The following PCDHGA5 variants were observed in gnomAD, a reference collection of about 807,000 sequenced individuals.
PCDHGA5 encodes the protein protocadherin gamma subfamily A, 5.
A neutral mutation model predicts 56.7 loss-of-function variants in PCDHGA5; 36 were observed. That is an observed-to-expected ratio of 0.64 (90% confidence interval 0.49 to 0.84). The LOEUF (loss-of-function observed/expected upper bound fraction) is 0.84. Among genes scored for constraint, PCDHGA5 ranks in the 40% least tolerant of loss-of-function variants. PCDHGA5 has a pLI of 0.00. For synonymous variants in PCDHGA5, 563 were observed against 520.2 expected, an observed-to-expected ratio of 1.08 and a Z score of -1.12; for missense variants, 1,305 against 1,201.5, an observed-to-expected ratio of 1.09 and a Z score of -1.27.
At chr5:141,417,690 A>T in intron 1 of PCDHGA5, 1 of 1,077,126 alleles carries the variant, frequency 9.3e-7, no homozygotes, top group East Asian at 2.6e-5. Context: ...AGAAAAGAAA[A>T]CCAGCTCCCA....
At position 141,486,783 on chromosome 5, in the gene PCDHGA5, C is replaced by A. The variant is rs905423670; in HGVS notation, c.2422-8024C>A. ...CAGACACTGCAGTTTGAGGTGCAGG[C>A]CCGGGATCGGGGCAACCCACCCCTT... On this transcript the variant is annotated intron_variant, in intron 1 of 3. Transcript: ENST00000518069. The surrounding 1 kb of genome is among the most constrained non-coding windows in gnomAD (Gnocchi z 5.0). 6.2e-7 allele frequency: 1 copy of A among 1,614,102 alleles called. No homozygotes were observed.
intron 1 of PCDHGA5, chr5:141,384,020 G>C: frequency 6.2e-7 from 1 of 1,613,730 alleles, no homozygotes; most frequent in Non-Finnish European, 8.5e-7. Context: ...CTACAAGACA[G>C]AGATTCTGGA....
intron 1 of PCDHGA5, among the ~76,000 whole-genome samples, chr5:141,380,802 T>C (rs1776746309): frequency 6.6e-6 from 1 of 152,118 alleles, no homozygotes; most frequent in African/African-American, 2.4e-5. Context: ...AAGAAACAAA[T>C]GTGAGATGAA....
chr5:141,428,310 G>A (rs2097132610), intron 1 of PCDHGA5: 1 of 671,630 alleles, frequency 1.5e-6, no homozygotes, highest in Admixed American at 2.2e-5. Context: ...ACCTGGTCGT[G>A]GCCTTGGCCT....
chr5:141,383,943 T>C (rs1229813206), intron 1 of PCDHGA5: 1 of 1,613,674 alleles, frequency 6.2e-7, no homozygotes, highest in Admixed American at 1.7e-5. Flanking sequence ...CAGAAGTGAC[T>C]ATGACGTCTT....
At chr5:141,399,684 G>T in intron 1 of PCDHGA5, 1 of 1,613,538 alleles carries the variant, frequency 6.2e-7, no homozygotes, top group Non-Finnish European at 8.5e-7. Context: ...TTGACTACGA[G>T]CAGCTGCGCA....
rs376621545 is a variant in PCDHGA5, at chr5:141,422,143, G to A, written c.2421+55392G>A. The stretch of plus-strand genomic sequence containing the variant: ...ACAAACTGGAGAAGTTCAAGTACGG[G>A]GGTCTCTGGATTTTGAAAAATATAG... On this transcript the variant is annotated intron_variant, in intron 1 of 3. Transcript: ENST00000518069. 36 of 1,583,638 alleles carry A rather than the reference G, an allele frequency of 2.3e-5. No individual in the cohort carries two copies. The African/African-American group carries it at 3.8e-4, about 17-fold the overall frequency.
chr5:141,405,398 C>A, intron 1 of PCDHGA5: 1 of 1,590,262 alleles, frequency 6.3e-7, no homozygotes, highest in Non-Finnish European at 8.6e-7. Flanking sequence ...TTTTTTCTTT[C>A]TTTCTTTTCT....
At chr5:141,392,791 G>C in intron 1 of PCDHGA5, 6 of 1,557,838 alleles carry the variant, frequency 3.9e-6, no homozygotes, top group Admixed American at 2.0e-5. Context: ...AAGATTCTGA[G>C]AGGATTCTGC....
Position 141,436,047 on chromosome 5 carries a change from T to G in PCDHGA5, c.2422-58760T>G, listed in dbSNP as rs141900903. On this transcript the variant is annotated intron_variant, in intron 1 of 3. Transcript: ENST00000518069. ...ATACTAAATTTGTATTTACATTAGT[T>G]TTCAAATAGAATTTAATAAGTACAG... is the stretch of plus-strand genomic sequence containing the variant. Among the ~76,000 whole-genome samples the G allele has an allele frequency of 1.0e-2, 1,517 of 152,280 alleles. 31 individuals carry two copies. The highest frequency in any genetic ancestry group is 0.034 in the African/African-American group (1,420 of 41,552).
chr5:141,421,750 C>A lies in PCDHGA5; in HGVS notation c.2421+54999C>A, dbSNP rs766529731. On this transcript the variant is annotated intron_variant, in intron 1 of 3. Coordinates refer to ENST00000518069, the MANE Select transcript of PCDHGA5 (RefSeq NM_018918.3). ...CTCCCTCCAGAGCTACCAGCTCAGC[C>A]CTAATAATTACTTTTCCTTGCAACT... 4.3e-6 allele frequency: 7 copies of A among 1,613,788 alleles called. No individual in the cohort carries two copies. Among genetic ancestry groups the A allele is most frequent in the Non-Finnish European group, 5.9e-6 (7 of 1,179,864 alleles).
In PCDHGA5 at chr5:141,432,011, TACA is replaced by T. The variant is rs1296391274; in HGVS notation, c.2422-62792_2422-62790del. 2 of 1,614,202 alleles carry T rather than the reference TACA, an allele frequency of 1.2e-6. No homozygotes were observed. Among genetic ancestry groups the T allele is most frequent in the South Asian group, 2.2e-5 (2 of 91,084 alleles). On this transcript the variant is annotated intron_variant, in intron 1 of 3. Transcript: ENST00000518069. This position sits in a 1 kb window ranked among gnomAD's most constrained non-coding sequence, Gnocchi z 6.0. The stretch of plus-strand genomic sequence containing the variant: ...CTTGGATAGGGAACAGGTTCCTAGC[TACA>T]ACATCACAGTGACCGCCACTGACCG...
chr5:141,384,053 C>T (rs1329974843), intron 1 of PCDHGA5: 1 of 1,610,750 alleles, frequency 6.2e-7, no homozygotes, highest in Non-Finnish European at 8.5e-7. Context: ...GTGACCTGCA[C>T]CATTCCAGAA....
intron 1 of PCDHGA5, among the ~76,000 whole-genome samples, chr5:141,454,379 T>A (rs770736083): frequency 1.2e-3 from 179 of 152,316 alleles, no homozygotes; most frequent in Non-Finnish European, 2.1e-3. Flanking sequence ...TGGCAACTTG[T>A]CAAGATGAAG....
At chr5:141,405,257 A>T (rs747554046) in intron 1 of PCDHGA5, 2 of 1,613,954 alleles carry the variant, frequency 1.2e-6, no homozygotes, top group Non-Finnish European at 1.7e-6. Flanking sequence ...GAGTCACCTG[A>T]TCTTCCCCCA....
chr5:141,419,220 A>G (rs2096345873), intron 1 of PCDHGA5: 1 of 1,613,966 alleles, frequency 6.2e-7, no homozygotes, highest in Non-Finnish European at 8.5e-7. Context: ...GTTTTCGGAC[A>G]GTCAGCCTAC....
At chr5:141,371,511 G>T (rs747916078) in intron 1 of PCDHGA5, 7 of 1,613,850 alleles carry the variant, frequency 4.3e-6, no homozygotes, top group East Asian at 2.2e-5. Context: ...CAAAACACAT[G>T]ATCTAGATTC....
chr5:141,373,897 C>T, intron 1 of PCDHGA5: 1 of 537,056 alleles, frequency 1.9e-6, no homozygotes, highest in Non-Finnish European at 3.1e-6. Flanking sequence ...ACTCAAGTTA[C>T]ATCCTCCAAC....
Position 141,431,303 on chromosome 5 carries a change from G to A in PCDHGA5, c.2422-63504G>A, listed in dbSNP as rs777784010. 2 of 1,613,942 alleles carry A rather than the reference G, an allele frequency of 1.2e-6. No homozygotes were observed. The highest frequency in any genetic ancestry group is 2.7e-5 in the African/African-American group (2 of 74,916). ...CCCGAACACTCACTTCTCCCTCATC[G>A]TGCAAAATGGAGCCGACGGTAGTAA... On this transcript the variant is annotated intron_variant, in intron 1 of 3. Transcript: ENST00000518069. The surrounding 1 kb of genome is among the most constrained non-coding windows in gnomAD (Gnocchi z 4.8).
Sources: allele counts gnomAD v4.1 joint callset (sites outside exome capture counted in the v4.1 genomes callset), GRCh38; gene constraint gnomAD v4.1.1; non-coding constraint Gnocchi (gnomAD v3.1); transcripts MANE v1.5; gene names NCBI Gene and HGNC (gene_info 2026-07-23, HGNC 2026-07-21).